Variants in LRRC47 observed in about 807,000 individuals in gnomAD.
LRRC47 encodes leucine rich repeat containing 47, also known as leucine-rich repeat-containing protein 47.
LRRC47 carries 31 observed loss-of-function variants against 40.9 expected under a neutral mutation model. The ratio of observed to expected loss-of-function variants is 0.76; its 90% CI spans 0.57 to 1.02. The LOEUF (loss-of-function observed/expected upper bound fraction) is 1.02, where lower values mean the gene tolerates loss of function less well. Ranked by LOEUF, LRRC47 falls within the 50% of genes least tolerant of loss-of-function variation. LRRC47 has a pLI of 0.00. For synonymous variants in LRRC47, 427 were observed against 371.9 expected, an observed-to-expected ratio of 1.15 and a Z score of -1.70; for missense variants, 726 against 796.1, an observed-to-expected ratio of 0.91 and a Z score of 1.06.
chr1:3,783,599 T>C (rs569585650), intron 4 of LRRC47, among the ~76,000 whole-genome samples: 118 of 152,294 alleles, frequency 7.7e-4, no homozygotes, highest in South Asian at 6.2e-3. Context: ...CGGATGATCA[T>C]CTTGCTTAGA....
chr1:3,784,259 C>T (rs771175491), intron 3 of LRRC47, 148 bp from the exon 4 acceptor site: 75 of 667,356 alleles, frequency 1.1e-4, no homozygotes, highest in Non-Finnish European at 1.6e-4. Flanking sequence ...CACGGGACCA[C>T]GCAGCAAGAA....
rs1643674700 is a variant in LRRC47 at position 3,796,194 on chromosome 1, G to C, written c.283C>G (p.Leu95Val). 1 of 1,435,624 alleles carries C rather than the reference G, an allele frequency of 7.0e-7. No homozygotes were observed. Among genetic ancestry groups the C allele is most frequent in the Non-Finnish European group, 9.1e-7 (1 of 1,101,024 alleles). 88.9% of individuals were successfully genotyped at this position (1,435,624 alleles called of 1,614,324 possible). The change falls in exon 1 of 7, where the codon CTC (leucine) becomes GTC (valine). Residue 95 changes from leucine to valine, a missense_variant. By Grantham distance (32) the Leu-to-Val change is conservative. Coordinates refer to ENST00000378251, the MANE Select transcript of LRRC47 (RefSeq NM_020710.3). ...ACCCGAAGGGCAGGCAGCGGCCCGA[G>C]CTCGGGGCTCAGGCCGGGCCCCAGC... ...NALGPGLSPE[L>V]GPLPALRVLD...
intron 1 of LRRC47, among the ~76,000 whole-genome samples, chr1:3,788,674 C>T (rs780851029): frequency 6.6e-6 from 1 of 152,128 alleles, no homozygotes; most frequent in African/African-American, 2.4e-5. Context: ...CGGGTAAGGG[C>T]AGCATGGCTC....
intron 1 of LRRC47, among the ~76,000 whole-genome samples, chr1:3,792,023 G>A (rs1284158198): frequency 3.3e-5 from 5 of 152,226 alleles, no homozygotes; most frequent in African/African-American, 1.2e-4. Context: ...TGAAGGGCTG[G>A]GATGCCAGGC....
chr1:3,784,612 TCA>T (rs1445081349), intron 3 of LRRC47, among the ~76,000 whole-genome samples: 1 of 152,236 alleles, frequency 6.6e-6, no homozygotes, highest in Non-Finnish European at 1.5e-5. Flanking sequence ...CCGAGTCCTC[TCA>T]CAGCTGTGCA....
chr1:3,787,344 G>A lies in LRRC47; in HGVS notation c.616-34C>T, dbSNP rs778716158. ...AGAAACATGGACGCGTCAGACGCCCGGACTCTGGGAAGAGAGTCCAAGGTC... is the reference window on the plus strand; with the variant it reads ...AGAAACATGGACGCGTCAGACGCCCAGACTCTGGGAAGAGAGTCCAAGGTC... On this transcript the variant is annotated intron_variant, in intron 1 of 6. Coordinates refer to ENST00000378251, the MANE Select transcript of LRRC47 (RefSeq NM_020710.3). 5.9e-5 allele frequency: 92 copies of A among 1,569,914 alleles called. 1 individual carries two copies. The highest frequency in any genetic ancestry group is 4.2e-4 in the Admixed American group (24 of 57,214).
At chr1:3,781,861 GT>G (rs1475642358) in intron 5 of LRRC47, among the ~76,000 whole-genome samples, 2 of 152,134 alleles carry the variant, frequency 1.3e-5, no homozygotes, top group Non-Finnish European at 2.9e-5. Flanking sequence ...TGCACCTGTG[GT>G]CCCAGCTACT....
At chr1:3,795,691 T>C (rs1471138040) in intron 1 of LRRC47, among the ~76,000 whole-genome samples, 171 bp downstream of exon 1, 2 of 152,234 alleles carry the variant, frequency 1.3e-5, no homozygotes, top group Admixed American at 1.3e-4. Flanking sequence ...AGGCGGCATC[T>C]GCTTCCCAGG....
chr1:3,790,485 G>A (rs1643617182), intron 1 of LRRC47, among the ~76,000 whole-genome samples: 1 of 152,206 alleles, frequency 6.6e-6, no homozygotes, highest in Admixed American at 6.5e-5. Context: ...GACACCACAC[G>A]CCTGCGTGAT....
Position 3,796,019 on chromosome 1 carries a change from G to C in LRRC47, c.458C>G (p.Pro153Arg), listed in dbSNP as rs1316646353. 1 of 1,550,456 alleles carries C rather than the reference G, an allele frequency of 6.4e-7. No individual in the cohort carries two copies. Among genetic ancestry groups the C allele is most frequent in the South Asian group, 1.2e-5 (1 of 84,490 alleles). ...ELPADLARCAPRLQSLNLTGN... is the reference protein window; with the variant it reads ...ELPADLARCARRLQSLNLTGN... ...GGTGAGGTTGAGGCTCTGCAGGCGC[G>C]GGGCGCAGCGCGCCAGGTCGGCTGG... The change falls in exon 1 of 7, where the codon CCG (proline) becomes CGG (arginine). Residue 153 changes from proline (P) to arginine (R), a missense_variant. Coordinates refer to ENST00000378251, the MANE Select transcript of LRRC47 (RefSeq NM_020710.3).
At chr1:3,790,592 A>C (rs914037875) in intron 1 of LRRC47, among the ~76,000 whole-genome samples, 1 of 152,188 alleles carries the variant, frequency 6.6e-6, no homozygotes, top group Admixed American at 6.5e-5. Flanking sequence ...AGCAGCGGGA[A>C]GCAGCCAGGG....
At chr1:3,785,929 G>A (rs1643567984) in intron 2 of LRRC47, among the ~76,000 whole-genome samples, 1 of 151,206 alleles carries the variant, frequency 6.6e-6, no homozygotes, top group Non-Finnish European at 1.5e-5. Flanking sequence ...GAATGCGGTG[G>A]TGCAATCTTG....
At chr1:3,787,401 T>C in intron 1 of LRRC47, 91 bp from the exon 2 acceptor site, 1 of 1,280,346 alleles carries the variant, frequency 7.8e-7, no homozygotes, top group Non-Finnish European at 1.1e-6. Context: ...CACTCATCAC[T>C]CACAAGAGCC....
chr1:3,781,477 A>G (rs1643520374), intron 6 of LRRC47, 35 bp downstream of exon 6: 2 of 1,603,186 alleles, frequency 1.2e-6, no homozygotes, highest in Non-Finnish European at 1.7e-6. Flanking sequence ...CTCACGCTCA[A>G]AAGCGTTTCT....
intron 3 of LRRC47, 87 bp downstream of exon 3, chr1:3,785,000 A>G: frequency 9.4e-7 from 1 of 1,067,402 alleles, no homozygotes; most frequent in Non-Finnish European, 1.3e-6. Flanking sequence ...CTCCAAAAAA[A>G]AAAAAAGTTC....
rs936870057 is a variant in LRRC47 at position 3,796,000 on chromosome 1, G to A, written c.477C>T (p.Asn159=). 2 of 1,565,402 alleles carry A rather than the reference G, an allele frequency of 1.3e-6. No homozygotes were observed. The highest frequency in any genetic ancestry group is 1.4e-5 in the African/African-American group (1 of 73,960). Residue 159 remains asparagine (N), a synonymous_variant, in exon 1 of 7, where the codon AAC becomes AAT. Transcript: ENST00000378251. ...ARCAPRLQSL[N]LTGNCLDSFP... Reference sequence around the variant, plus strand: ...AGGAGTCTAGGCAATTGCCGGTGAGGTTGAGGCTCTGCAGGCGCGGGGCGC... The same window carrying A: ...AGGAGTCTAGGCAATTGCCGGTGAGATTGAGGCTCTGCAGGCGCGGGGCGC...
chr1:3,791,997 G>A (rs1245589671), intron 1 of LRRC47, among the ~76,000 whole-genome samples: 1 of 152,090 alleles, frequency 6.6e-6, no homozygotes, highest in African/African-American at 2.4e-5. Context: ...CAAGTGATCC[G>A]CCCGCCTCAG....
chr1:3,782,164 A>G (rs745817512), intron 5 of LRRC47, among the ~76,000 whole-genome samples: 3 of 152,100 alleles, frequency 2.0e-5, no homozygotes, highest in Non-Finnish European at 2.9e-5. Flanking sequence ...CACACAATGA[A>G]ACCTCACAAT....
At chr1:3,795,718 G>T in intron 1 of LRRC47, 144 bp downstream of exon 1, 1 of 1,128,960 alleles carries the variant, frequency 8.9e-7, no homozygotes, top group Non-Finnish European at 1.2e-6. Context: ...GCCCCCCGCA[G>T]CTGGCTCCTT....
Sources: gnomAD v4.1 joint callset for allele counts (sites outside exome capture counted in the v4.1 genomes callset) on GRCh38, gnomAD v4.1.1 for gene constraint, MANE v1.5 for transcripts, NCBI Gene and HGNC (gene_info 2026-07-23, HGNC 2026-07-21) for gene names.